Variants in CORO2B observed in about 807,000 individuals in gnomAD.
The protein encoded by CORO2B is coronin-2B.
A neutral mutation model predicts 58.8 loss-of-function variants in CORO2B; 26 were observed. That is an observed-to-expected ratio of 0.44 (90% CI 0.32 to 0.61). The LOEUF (loss-of-function observed/expected upper bound fraction) is 0.61, where lower values mean the gene tolerates loss of function less well. Among genes scored for constraint, CORO2B ranks in the 20% least tolerant of loss-of-function variants. The probability of loss-of-function intolerance (pLI) is 0.04; values close to 1 mark genes in which losing one functional copy is unlikely to be tolerated. For missense variants in CORO2B, 460 were observed against 645.1 expected (o/e 0.71, Z 3.11); for synonymous variants, 242 against 253.8 (o/e 0.95, Z 0.44).
chr15:68,548,075 G>T, the CORO2B span, among the ~76,000 whole-genome samples: 1 of 152,042 alleles, frequency 6.6e-6, no homozygotes, highest in Non-Finnish European at 1.5e-5. Context: ...GGGGGCTGAG[G>T]CAGGAGAATT....
chr15:68,543,350 C>T, the CORO2B span, among the ~76,000 whole-genome samples: 1 of 152,142 alleles, frequency 6.6e-6, no homozygotes, highest in South Asian at 2.1e-4. Flanking sequence ...GGAAATGCCT[C>T]TCTCTCCTGG....
chr15:68,723,413 C>T (rs539522584), intron 11 of CORO2B, among the ~76,000 whole-genome samples: 221 of 151,734 alleles, frequency 1.5e-3, no homozygotes, highest in Non-Finnish European at 2.6e-3. Context: ...TGAGCCACGG[C>T]GCCCAGCCAA....
the CORO2B span, among the ~76,000 whole-genome samples, chr15:68,528,761 G>A: frequency 6.6e-6 from 1 of 150,964 alleles, no homozygotes; most frequent in African/African-American, 2.4e-5. Flanking sequence ...GTTCATCTGG[G>A]TCTGGACTAT....
chr15:68,526,479 T>C, the CORO2B span, among the ~76,000 whole-genome samples: 1 of 152,232 alleles, frequency 6.6e-6, no homozygotes, highest in African/African-American at 2.4e-5. Flanking sequence ...GTTTAGGCTT[T>C]CATTTCCAGG....
intron 1 of CORO2B, among the ~76,000 whole-genome samples, chr15:68,601,176 A>G (rs868662751): frequency 3.9e-5 from 6 of 152,268 alleles, no homozygotes; most frequent in Admixed American, 6.5e-5. Flanking sequence ...TCGCTCCTCC[A>G]CACCCTCTCC....
chr15:68,537,768 C>T, the CORO2B span, among the ~76,000 whole-genome samples: 14 of 152,286 alleles, frequency 9.2e-5, no homozygotes, highest in Admixed American at 2.6e-4. Context: ...TCTTGGAACA[C>T]GGCCTTGTTT....
chr15:68,714,855 C>T (rs1027026142), intron 7 of CORO2B, among the ~76,000 whole-genome samples, 192 bp downstream of exon 7: 1 of 152,216 alleles, frequency 6.6e-6, no homozygotes, highest in African/African-American at 2.4e-5. Flanking sequence ...CCAAGAATTC[C>T]TTCAAAGGTG....
intron 2 of CORO2B, among the ~76,000 whole-genome samples, chr15:68,683,187 G>A (rs1023262230): frequency 5.3e-5 from 8 of 152,142 alleles, no homozygotes; most frequent in African/African-American, 1.4e-4. Context: ...CTCTCTCTAG[G>A]CCACCCCCAG....
chr15:68,566,011 GA>G, the CORO2B span, among the ~76,000 whole-genome samples: 2 of 152,204 alleles, frequency 1.3e-5, no homozygotes. Flanking sequence ...CACCTCTGTG[GA>G]GAGGCAGCTG....
At chr15:68,642,862 C>G (rs952148104) in intron 1 of CORO2B, among the ~76,000 whole-genome samples, 2 of 152,182 alleles carry the variant, frequency 1.3e-5, no homozygotes, top group South Asian at 2.1e-4. Context: ...TAGAATTGCA[C>G]AGCAAGGAAC....
intron 2 of CORO2B, among the ~76,000 whole-genome samples, chr15:68,692,328 A>G (rs759702617): frequency 6.6e-6 from 1 of 152,114 alleles, no homozygotes; most frequent in Non-Finnish European, 1.5e-5. Flanking sequence ...GCTGGGCGCA[A>G]TGGCACACGG....
At chr15:68,589,444 C>T (rs528353503) in intron 1 of CORO2B, among the ~76,000 whole-genome samples, 6 of 152,340 alleles carry the variant, frequency 3.9e-5, no homozygotes, top group African/African-American at 1.4e-4. Context: ...TTCCCTGTTG[C>T]TGCTTGGACA....
the CORO2B span, among the ~76,000 whole-genome samples, chr15:68,529,222 A>G: frequency 1.3e-5 from 2 of 152,136 alleles, no homozygotes; most frequent in South Asian, 2.1e-4. Flanking sequence ...AGTATTTTTT[A>G]TCATATTTAA....
At chr15:68,538,141 A>G in the CORO2B span, among the ~76,000 whole-genome samples, 1 of 152,178 alleles carries the variant, frequency 6.6e-6, no homozygotes, top group South Asian at 2.1e-4. Context: ...TCAAATCACT[A>G]TCCATTGGGT....
the CORO2B span, among the ~76,000 whole-genome samples, chr15:68,549,473 A>G: frequency 6.6e-6 from 1 of 152,072 alleles, no homozygotes; most frequent in African/African-American, 2.4e-5. Context: ...TACTGTCCTG[A>G]GCATGGACTT....
intron 8 of CORO2B, 94 bp from the exon 9 acceptor site, chr15:68,718,604 C>A: frequency 9.1e-7 from 1 of 1,101,414 alleles, no homozygotes; most frequent in Non-Finnish European, 1.3e-6. Context: ...TAAGTACATT[C>A]CTCAGCCTTT....
At chr15:68,605,807 C>T (rs1374388649) in intron 1 of CORO2B, among the ~76,000 whole-genome samples, 2 of 148,800 alleles carry the variant, frequency 1.3e-5, no homozygotes, top group Non-Finnish European at 3.0e-5. Flanking sequence ...TCACTGCAAC[C>T]TCCACCTCCC....
intron 11 of CORO2B, 39 bp downstream of exon 11, chr15:68,719,591 G>A (rs780665538): frequency 1.9e-6 from 3 of 1,583,004 alleles, no homozygotes; most frequent in East Asian, 2.2e-5. Flanking sequence ...GGCCCTGGAA[G>A]AGCAAGACCT....
At chr15:68,625,286 C>T (rs1436441340) in intron 1 of CORO2B, among the ~76,000 whole-genome samples, 13 of 150,844 alleles carry the variant, frequency 8.6e-5, no homozygotes, top group Admixed American at 7.2e-4. Context: ...TTTTTTAACT[C>T]GGGTTCTTCG....
Sources: gnomAD v4.1 joint callset for allele counts (sites outside exome capture counted in the v4.1 genomes callset) on GRCh38, gnomAD v4.1.1 for gene constraint, MANE v1.5 for transcripts, NCBI Gene and HGNC (gene_info 2026-07-23, HGNC 2026-07-21) for gene names.